Variants in TMEM51 observed in about 807,000 individuals in gnomAD.
TMEM51 encodes chromosome 1 open reading frame 72.
In TMEM51, 8 loss-of-function variants were observed where a neutral mutation model predicts 13.6. The ratio of observed to expected loss-of-function variants is 0.59; its 90% CI spans 0.35 to 1.07. The LOEUF (loss-of-function observed/expected upper bound fraction) is 1.07. TMEM51 is among the 50% of genes least tolerant of loss of function. TMEM51 has a pLI of 0.02. For missense variants in TMEM51, 279 were observed against 330.7 expected (o/e 0.84, Z 1.21); for synonymous variants, 147 against 144.4 (o/e 1.02, Z -0.13).
chr1:15,163,381 A>G (rs1405033489), intron 1 of TMEM51, among the ~76,000 whole-genome samples: 1 of 151,944 alleles, frequency 6.6e-6, no homozygotes, highest in Admixed American at 6.6e-5. Context: ...AGCCTCTGTT[A>G]ATCTTTTCAG....
In TMEM51 at chr1:15,197,954, C is replaced by CAAA. The variant is rs34377131; in HGVS notation, c.-266-12520_-266-12518dup. On this transcript the variant is annotated intron_variant, in intron 1 of 3. Coordinates refer to ENST00000376008, the MANE Select transcript of TMEM51 (RefSeq NM_001136218.2). Reference sequence around the variant, plus strand: ...CAGGCGTAGCTTTGGCTATACATGACAAAAAAAAAAAAAAAAAAGCAGATT... The same window carrying CAAA: ...CAGGCGTAGCTTTGGCTATACATGACAAAAAAAAAAAAAAAAAAAAAGCAGATT... 5.3e-4 allele frequency among the ~76,000 whole-genome samples: 51 copies of CAAA among 96,218 alleles called. 2 individuals carry two copies. Among genetic ancestry groups the CAAA allele is most frequent in the Admixed American group, 1.7e-3 (14 of 8,238 alleles). The allele number at this position is 96,218 out of a possible 152,430, so 63.1% of individuals were successfully genotyped here.
rs547625638 is a variant in TMEM51 at position 15,207,061 on chromosome 1, C to T, written c.-266-3429C>T. On this transcript the variant is annotated intron_variant, in intron 1 of 3. Transcript: ENST00000376008. The surrounding 1 kb of genome is among the most constrained non-coding windows in gnomAD (Gnocchi z 4.6). ...AAAGTGATTGTGGGCTGAAACTTGG[C>T]AGAGAGAGCCCCACTGAATTCCTCC... 6.6e-6 allele frequency among the ~76,000 whole-genome samples: 1 copy of T among 152,344 alleles called. No individual in the cohort carries two copies. Among genetic ancestry groups the T allele is most frequent in the East Asian group, 1.9e-4 (1 of 5,184 alleles).
chr1:15,203,276 CAG>C (rs1312020795), intron 1 of TMEM51, among the ~76,000 whole-genome samples: 8 of 152,004 alleles, frequency 5.3e-5, no homozygotes, highest in African/African-American at 1.9e-4. Flanking sequence ...GTTTTTGAGA[CAG>C]AGTCTCGCTC....
intron 1 of TMEM51, among the ~76,000 whole-genome samples, chr1:15,193,575 C>CT (rs3078881): frequency 3.2e-4 from 37 of 114,644 alleles, no homozygotes; most frequent in Non-Finnish European, 5.1e-4. Flanking sequence ...TTCTTTCTTT[C>CT]TTTTTTTTTT....
chr1:15,179,451 G>A (rs1192195908), intron 1 of TMEM51, among the ~76,000 whole-genome samples: 1 of 152,164 alleles, frequency 6.6e-6, no homozygotes, highest in Non-Finnish European at 1.5e-5. Context: ...GTGAGCAAAG[G>A]AAGGCAAACA....
chr1:15,172,179 C>A (rs1005513867), intron 1 of TMEM51, among the ~76,000 whole-genome samples: 1 of 152,010 alleles, frequency 6.6e-6, no homozygotes, highest in Non-Finnish European at 1.5e-5. Flanking sequence ...GAGTGCAAGA[C>A]CAGCCTGGGC....
At chr1:15,168,199 A>G (rs1643095896) in intron 1 of TMEM51, among the ~76,000 whole-genome samples, 1 of 152,038 alleles carries the variant, frequency 6.6e-6, no homozygotes, top group South Asian at 2.1e-4. Flanking sequence ...ACTTGTAATA[A>G]CTCCTATGAG....
intron 1 of TMEM51, among the ~76,000 whole-genome samples, chr1:15,205,354 C>T (rs561204077): frequency 3.1e-4 from 47 of 152,268 alleles, no homozygotes; most frequent in African/African-American, 1.1e-3. Context: ...CAAGCCATGA[C>T]ATATTCTGGA....
In TMEM51 at chr1:15,215,282, G is replaced by A. The variant is rs760992870; in HGVS notation, c.195G>A (p.Val65=). 5.0e-6 allele frequency: 8 copies of A among 1,614,098 alleles called. No homozygotes were observed. Among genetic ancestry groups the A allele is most frequent in the Non-Finnish European group, 6.8e-6 (8 of 1,180,052 alleles). ...TCCTCAAGAGCAAGACCTTCTCTGT[G>A]GCCTACGTGCTGGTCGGGGCCGGGG... ...GGILKSKTFS[V]AYVLVGAGVM... is the part of the protein sequence containing the mutation. The change falls in exon 3 of 4, where the codon GTG becomes GTA. Residue 65 remains valine, a synonymous_variant. Transcript: ENST00000376008.
chr1:15,207,911 A>G lies in TMEM51; in HGVS notation c.-266-2579A>G, dbSNP rs1343087265. On this transcript the variant is annotated intron_variant, in intron 1 of 3. Coordinates refer to ENST00000376008, the MANE Select transcript of TMEM51 (RefSeq NM_001136218.2). This position sits in a 1 kb window ranked among gnomAD's most constrained non-coding sequence, Gnocchi z 4.6. ...TGGATCTTCCTGCAAGTTAGCTTTT[A>G]TTAATCCTCTCCCCTTCAGGCTTGG... Among the ~76,000 whole-genome samples the G allele has an allele frequency of 1.3e-5, 2 of 152,226 alleles. No homozygotes were observed. The highest frequency in any genetic ancestry group is 2.9e-5 in the Non-Finnish European group (2 of 68,040).
chr1:15,158,865 A>C (rs909619848), intron 1 of TMEM51, among the ~76,000 whole-genome samples: 1 of 152,230 alleles, frequency 6.6e-6, no homozygotes, highest in Non-Finnish European at 1.5e-5. Context: ...GATTTTTAAA[A>C]GTGAAGTAGA....
chr1:15,185,824 C>T (rs1643755482), intron 1 of TMEM51, among the ~76,000 whole-genome samples: 1 of 152,212 alleles, frequency 6.6e-6, no homozygotes, highest in Non-Finnish European at 1.5e-5. Context: ...GTGCAGAGGT[C>T]AGTTTTGAGT....
At chr1:15,164,527 T>C (rs554881055) in intron 1 of TMEM51, 11 of 454,358 alleles carry the variant, frequency 2.4e-5, no homozygotes, top group Non-Finnish European at 4.4e-6. Context: ...ATGTAACTTC[T>C]TATTGATGAC....
intron 2 of TMEM51, among the ~76,000 whole-genome samples, chr1:15,213,315 A>G (rs2100352187): frequency 6.6e-6 from 1 of 152,336 alleles, no homozygotes; most frequent in East Asian, 1.9e-4. Context: ...TCTTTTAACA[A>G]AGTGGCCAAT....
intron 1 of TMEM51, among the ~76,000 whole-genome samples, chr1:15,157,961 T>TG: frequency 6.6e-6 from 1 of 152,278 alleles, no homozygotes; most frequent in South Asian, 2.1e-4. Context: ...TTGTTGTTGT[T>TG]GCTTTTGAAA....
At chr1:15,163,837 G>T (rs1012899507) in intron 1 of TMEM51, among the ~76,000 whole-genome samples, 3 of 136,054 alleles carry the variant, frequency 2.2e-5, no homozygotes, top group Non-Finnish European at 3.2e-5. Context: ...TGGGGGGGGG[G>T]AGGGGGGAGG....
intron 2 of TMEM51, among the ~76,000 whole-genome samples, chr1:15,210,959 T>G (rs1226497340): frequency 6.6e-6 from 1 of 152,158 alleles, no homozygotes; most frequent in East Asian, 1.9e-4. Context: ...AAGAGAGGGC[T>G]GAACTTGAAG....
At chr1:15,192,651 C>T (rs1431696993) in intron 1 of TMEM51, 1 of 169,570 alleles carries the variant, frequency 5.9e-6, no homozygotes, top group Admixed American at 6.3e-5. Context: ...ACAGGTTTCA[C>T]CATCGTGGTC....
intron 1 of TMEM51, among the ~76,000 whole-genome samples, chr1:15,189,101 T>C (rs10927707): frequency 0.6 from 91,329 of 151,656 alleles, 28,188 homozygotes; most frequent in East Asian, 0.93. Context: ...AATACAGTGG[T>C]GTGGTCTAGG....
Sources: gnomAD v4.1 joint callset for allele counts (sites outside exome capture counted in the v4.1 genomes callset) on GRCh38, gnomAD v4.1.1 for gene constraint, Gnocchi (gnomAD v3.1) non-coding constraint, MANE v1.5 for transcripts, NCBI Gene and HGNC (gene_info 2026-07-23, HGNC 2026-07-21) for gene names.